Variants in WDFY3 observed in about 807,000 individuals in gnomAD.
WDFY3 encodes the protein WD repeat and FYVE domain containing 3.
WDFY3 carries 66 observed loss-of-function variants against 409.6 expected under a neutral mutation model. The ratio of observed to expected loss-of-function variants is 0.16; its 90% confidence interval spans 0.13 to 0.20. The LOEUF (loss-of-function observed/expected upper bound fraction) is 0.20. Ranked by LOEUF, WDFY3 falls within the 10% of genes least tolerant of loss-of-function variation. The probability of loss-of-function intolerance (pLI) is 1.00; values close to 1 mark genes in which losing one functional copy is unlikely to be tolerated. For missense variants in WDFY3, 3,031 were observed against 4,298.1 expected, an observed-to-expected ratio of 0.71 and a Z score of 8.24; for synonymous variants, 1,521 against 1,537.1, an observed-to-expected ratio of 0.99 and a Z score of 0.25.
chr4:84,752,251 C>T (rs1044366169), intron 35 of WDFY3, among the ~76,000 whole-genome samples: 8 of 152,068 alleles, frequency 5.3e-5, no homozygotes, highest in Non-Finnish European at 8.8e-5. Flanking sequence ...CAGTGGCTCA[C>T]GCCTGTAATC....
At chr4:84,800,194 A>G (rs1560791977) in intron 17 of WDFY3, among the ~76,000 whole-genome samples, 1 of 152,246 alleles carries the variant, frequency 6.6e-6, no homozygotes, top group Non-Finnish European at 1.5e-5. Flanking sequence ...TTTACTGCAT[A>G]AAAGTTTCTT....
intron 19 of WDFY3, 24 bp downstream of exon 19, chr4:84,796,497 T>G (rs202175651): frequency 1.9e-5 from 28 of 1,494,348 alleles, no homozygotes; most frequent in Admixed American, 6.2e-5. Context: ...ACCATAAAGG[T>G]TGGCTTCCTT....
chr4:84,710,061 G>A (rs1189121032), intron 51 of WDFY3, among the ~76,000 whole-genome samples: 1 of 151,912 alleles, frequency 6.6e-6, no homozygotes, highest in Non-Finnish European at 1.5e-5. Context: ...TTTATTTTTT[G>A]TAGAGATGGG....
intron 48 of WDFY3, among the ~76,000 whole-genome samples, chr4:84,718,194 C>A (rs1377331327): frequency 6.6e-6 from 1 of 150,392 alleles, no homozygotes; most frequent in Non-Finnish European, 1.5e-5. Context: ...TCAGAATGCA[C>A]AGAAATAAAT....
At chr4:84,953,144 T>A (rs1160271490) in intron 1 of WDFY3, among the ~76,000 whole-genome samples, 1 of 151,792 alleles carries the variant, frequency 6.6e-6, no homozygotes, top group Admixed American at 6.6e-5. Context: ...CAACATGAGT[T>A]GACCCGAAGG....
chr4:84,850,642 T>C lies in WDFY3; in HGVS notation c.181-617A>G, dbSNP rs546912838. 6.6e-5 allele frequency among the ~76,000 whole-genome samples: 10 copies of C among 151,994 alleles called. No homozygotes were observed. The East Asian group carries it at 2.0e-3, about 30-fold the overall frequency. ...AACATTTTTCTGAGGAAAGCTAATTTGAGAATTTAGAGAAAAGTTATAAAG... is the reference window on the plus strand; with the variant it reads ...AACATTTTTCTGAGGAAAGCTAATTCGAGAATTTAGAGAAAAGTTATAAAG... On this transcript the variant is annotated intron_variant, in intron 4 of 67. Coordinates refer to ENST00000295888, the MANE Select transcript of WDFY3 (RefSeq NM_014991.6).
At chr4:84,743,655 G>A in intron 37 of WDFY3, 45 bp downstream of exon 37, 1 of 1,443,518 alleles carries the variant, frequency 6.9e-7, no homozygotes, top group South Asian at 1.4e-5. Flanking sequence ...GCTTAGAGAG[G>A]AAAGTGATTA....
At chr4:84,885,396 G>A (rs1764078224) in intron 3 of WDFY3, among the ~76,000 whole-genome samples, 1 of 149,864 alleles carries the variant, frequency 6.7e-6, no homozygotes, top group African/African-American at 2.5e-5. Context: ...ACTCTAACAG[G>A]ATAAATTCAA....
Position 84,872,438 on chromosome 4 carries a change from C to A in WDFY3, c.-31-11816G>T, listed in dbSNP as rs552157707. ...CGAGATTGCCCCACTGCACTCCAGC[C>A]TGGGCAACAGAGCTAGACTCTGTCT... On this transcript the variant is annotated intron_variant, in intron 3 of 67. Coordinates refer to ENST00000295888, the MANE Select transcript of WDFY3 (RefSeq NM_014991.6). Among the ~76,000 whole-genome samples the A allele has an allele frequency of 2.6e-4, 39 of 150,762 alleles. 1 individual carries two copies. The South Asian group carries it at 7.7e-3, about 30-fold the overall frequency.
At chr4:84,862,890 A>C (rs1225954533) in intron 3 of WDFY3, among the ~76,000 whole-genome samples, 1 of 152,148 alleles carries the variant, frequency 6.6e-6, no homozygotes, top group Non-Finnish European at 1.5e-5. Context: ...CCTGGCACCC[A>C]CCATTCTACT....
chr4:84,861,595 T>C (rs905133662), intron 3 of WDFY3, among the ~76,000 whole-genome samples: 1 of 152,124 alleles, frequency 6.6e-6, no homozygotes, highest in Non-Finnish European at 1.5e-5. Flanking sequence ...TAGTGGATAA[T>C]GATGAGCATT....
At chr4:84,939,993 A>ATATATATTGGCT (rs980398075) in intron 1 of WDFY3, among the ~76,000 whole-genome samples, 3 of 152,162 alleles carry the variant, frequency 2.0e-5, no homozygotes, top group Non-Finnish European at 4.4e-5. Context: ...TTACATGTAC[A>ATATATATTGGCT]TATATATTGG....
chr4:84,681,839 C>T (rs1022801209), intron 64 of WDFY3, among the ~76,000 whole-genome samples: 3 of 152,324 alleles, frequency 2.0e-5, no homozygotes, highest in Admixed American at 6.5e-5. Context: ...CTATATTTCA[C>T]TGAAAAATTT....
intron 51 of WDFY3, among the ~76,000 whole-genome samples, chr4:84,711,503 C>A (rs1339731653): frequency 6.6e-6 from 1 of 151,896 alleles, no homozygotes; most frequent in Non-Finnish European, 1.5e-5. Context: ...TACTAATAAT[C>A]AAAGAAATAT....
intron 26 of WDFY3, among the ~76,000 whole-genome samples, chr4:84,779,482 G>A (rs1746140215): frequency 1.3e-5 from 2 of 150,990 alleles, no homozygotes; most frequent in South Asian, 4.2e-4. Context: ...GCGCAATCTC[G>A]GCTTACTGCA....
intron 23 of WDFY3, 114 bp downstream of exon 23, chr4:84,787,368 G>A: frequency 1.0e-6 from 1 of 985,838 alleles, no homozygotes; most frequent in South Asian, 1.7e-5. Context: ...GAAGATTAGA[G>A]GAGAAGGCGC....
At chr4:84,773,600 T>C (rs999053309) in intron 29 of WDFY3, among the ~76,000 whole-genome samples, 7 of 152,210 alleles carry the variant, frequency 4.6e-5, no homozygotes, top group African/African-American at 1.7e-4. Flanking sequence ...GGGAATAATT[T>C]CAGCAAAGTG....
intron 1 of WDFY3, among the ~76,000 whole-genome samples, chr4:84,942,534 G>C (rs894151048): frequency 1.3e-5 from 2 of 152,078 alleles, no homozygotes; most frequent in Non-Finnish European, 2.9e-5. Context: ...GATATACTTA[G>C]GAATGGAATT....
rs144355308 is a variant in WDFY3, at chr4:84,821,181, G to A, written c.1494C>T (p.Asp498=). ...KFTRHDYIFK[D]VFREVGLLEV... The stretch of plus-strand genomic sequence containing the variant: ...CCAAAAGGCCAACCTCCCTGAACAC[G>A]TCTTTAAATATGTAGTCATGTCTTG... Residue 498 remains aspartate (D), a synonymous_variant, in exon 11 of 68, where the codon GAC becomes GAT. Transcript: ENST00000295888. 6.0e-5 allele frequency: 97 copies of A among 1,613,724 alleles called. No homozygotes were observed. Among genetic ancestry groups the A allele is most frequent in the Middle Eastern group, 1.7e-4 (1 of 6,056 alleles).
Sources: allele counts gnomAD v4.1 joint callset (sites outside exome capture counted in the v4.1 genomes callset), GRCh38; gene constraint gnomAD v4.1.1; transcripts MANE v1.5; gene names NCBI Gene and HGNC (gene_info 2026-07-23, HGNC 2026-07-21).